Variants in FAM149B1 observed in about 807,000 individuals in gnomAD.
FAM149B1 encodes primary cilium assembly protein FAM149B1.
Under a neutral mutation model 75.3 loss-of-function variants are expected in FAM149B1, and 56 were observed. The ratio of observed to expected loss-of-function variants is 0.74; its 90% CI spans 0.60 to 0.93. The LOEUF (loss-of-function observed/expected upper bound fraction) is 0.93. Ranked by LOEUF, FAM149B1 falls within the 40% of genes least tolerant of loss-of-function variation. The pLI is 0.00. For synonymous variants in FAM149B1, 259 were observed against 256.1 expected, an observed-to-expected ratio of 1.01 and a Z score of -0.11; for missense variants, 639 against 708.4, an observed-to-expected ratio of 0.90 and a Z score of 1.11.
chr10:73,235,790 C>T lies in FAM149B1; in HGVS notation c.1602+472C>T, dbSNP rs562143712. Among the ~76,000 whole-genome samples, 11 of 152,302 alleles carry T rather than the reference C, an allele frequency of 7.2e-5. No individual in the cohort carries two copies. In the South Asian group the frequency reaches 2.3e-3, roughly 32 times the overall value. On this transcript the variant is annotated intron_variant, in intron 12 of 13. Coordinates refer to ENST00000242505, the MANE Select transcript of FAM149B1 (RefSeq NM_173348.2). ...GGCTCAAGCAATCCTGCCTTAGCCT[C>T]CCGAGTAGCTGGGACTACAGGTGCA...
At chr10:73,175,043 AAAAC>A (rs150074240) in intron 2 of FAM149B1, among the ~76,000 whole-genome samples, 15,844 of 152,080 alleles carry the variant, frequency 0.1, 1,191 homozygotes, top group East Asian at 0.3. Context: ...TTAGAATGAA[AAAAC>A]AAACAAACAA....
At chr10:73,193,902 A>G (rs1467763905) in intron 5 of FAM149B1, among the ~76,000 whole-genome samples, 2 of 152,176 alleles carry the variant, frequency 1.3e-5, no homozygotes, top group African/African-American at 4.8e-5. Context: ...GAGAAGTCCA[A>G]GGTCAAGGGG....
At chr10:73,223,711 C>T (rs2043469946) in intron 7 of FAM149B1, among the ~76,000 whole-genome samples, 2 of 150,538 alleles carry the variant, frequency 1.3e-5, no homozygotes, top group Non-Finnish European at 3.0e-5. Context: ...TATTTTTAAG[C>T]CACTATGTTG....
At chr10:73,199,461 CCCT>C (rs1452619133) in intron 5 of FAM149B1, among the ~76,000 whole-genome samples, 1 of 152,138 alleles carries the variant, frequency 6.6e-6, no homozygotes. Context: ...TCATGGTCCA[CCCT>C]CCTCAGCCTC....
At chr10:73,223,396 C>T (rs1220658390) in intron 7 of FAM149B1, among the ~76,000 whole-genome samples, 2 of 152,130 alleles carry the variant, frequency 1.3e-5, no homozygotes, top group Non-Finnish European at 2.9e-5. Flanking sequence ...CAAGTTTATT[C>T]CCATTGCTTA....
At chr10:73,193,362 C>G in intron 4 of FAM149B1, 115 bp from the exon 5 acceptor site, 2 of 921,314 alleles carry the variant, frequency 2.2e-6, no homozygotes, top group Non-Finnish European at 3.2e-6. Flanking sequence ...TAATCAGTAT[C>G]AGACTGTATA....
chr10:73,226,756 A>G (rs1432138659), intron 7 of FAM149B1, among the ~76,000 whole-genome samples: 1 of 152,236 alleles, frequency 6.6e-6, no homozygotes, highest in Admixed American at 6.5e-5. Flanking sequence ...ACTTTTTATT[A>G]TAATACCTGG....
chr10:73,203,202 G>A (rs1320403903), intron 5 of FAM149B1, among the ~76,000 whole-genome samples: 1 of 152,140 alleles, frequency 6.6e-6, no homozygotes, highest in Non-Finnish European at 1.5e-5. Context: ...AAGACAGAAG[G>A]GCTAAATGGT....
At chr10:73,184,588 C>T (rs2042474382) in intron 3 of FAM149B1, among the ~76,000 whole-genome samples, 1 of 152,148 alleles carries the variant, frequency 6.6e-6, no homozygotes, top group South Asian at 2.1e-4. Context: ...GTTCTCCAGC[C>T]ACCTTGGAAT....
At chr10:73,217,169 C>T (rs2043315191) in intron 7 of FAM149B1, among the ~76,000 whole-genome samples, 1 of 152,128 alleles carries the variant, frequency 6.6e-6, no homozygotes, top group Non-Finnish European at 1.5e-5. Context: ...GAGTAGTATT[C>T]CATTGCATCA....
chr10:73,190,859 T>C (rs1288710490), intron 3 of FAM149B1, among the ~76,000 whole-genome samples: 1 of 151,468 alleles, frequency 6.6e-6, no homozygotes, highest in Non-Finnish European at 1.5e-5. Flanking sequence ...GCTGGGACTA[T>C]AGGCACAGAC....
intron 3 of FAM149B1, among the ~76,000 whole-genome samples, chr10:73,191,733 T>G (rs2042690022): frequency 6.6e-6 from 1 of 152,144 alleles, no homozygotes; most frequent in Non-Finnish European, 1.5e-5. Flanking sequence ...TACACAGGGT[T>G]TTCCATCTAA....
intron 12 of FAM149B1, among the ~76,000 whole-genome samples, chr10:73,236,307 T>G (rs893797366): frequency 6.6e-6 from 1 of 152,194 alleles, no homozygotes; most frequent in African/African-American, 2.4e-5. Context: ...CTATGCTCCC[T>G]TTGCAAGGTC....
chr10:73,168,683 A>G (rs1022179787), intron 1 of FAM149B1, among the ~76,000 whole-genome samples: 7 of 152,238 alleles, frequency 4.6e-5, no homozygotes, highest in African/African-American at 1.7e-4. Context: ...AGTTATTAAT[A>G]GCTAACTGAG....
intron 7 of FAM149B1, among the ~76,000 whole-genome samples, chr10:73,221,224 A>T (rs2043406674): frequency 6.6e-6 from 1 of 152,212 alleles, no homozygotes; most frequent in Admixed American, 6.5e-5. Flanking sequence ...ATTAGAAACC[A>T]CTGAACTGCA....
chr10:73,219,121 T>C (rs2043354899), intron 7 of FAM149B1, among the ~76,000 whole-genome samples: 1 of 152,102 alleles, frequency 6.6e-6, no homozygotes, highest in Admixed American at 6.6e-5. Context: ...CCTGTATCAA[T>C]GAATAGTCAA....
chr10:73,232,899 TG>T, intron 9 of FAM149B1, 39 bp from the exon 10 acceptor site: 1 of 1,200,702 alleles, frequency 8.3e-7, no homozygotes, highest in Non-Finnish European at 1.2e-6. Flanking sequence ...CTTGACATAC[TG>T]ATCTTTACTT....
intron 2 of FAM149B1, among the ~76,000 whole-genome samples, chr10:73,175,196 CA>C (rs1425858575): frequency 2.0e-5 from 3 of 151,820 alleles, no homozygotes; most frequent in African/African-American, 7.3e-5. Flanking sequence ...CCCATCTCTA[CA>C]AAAAAATAAA....
chr10:73,223,529 C>A (rs903149452), intron 7 of FAM149B1, among the ~76,000 whole-genome samples: 1 of 152,080 alleles, frequency 6.6e-6, no homozygotes, highest in East Asian at 1.9e-4. Context: ...AAGTACTAGA[C>A]GCATAAGGGT....
Sources: gnomAD v4.1 joint callset for allele counts (sites outside exome capture counted in the v4.1 genomes callset) on GRCh38, gnomAD v4.1.1 for gene constraint, MANE v1.5 for transcripts, NCBI Gene and HGNC (gene_info 2026-07-23, HGNC 2026-07-21) for gene names.